Variants in MCTP1 observed in about 807,000 individuals in gnomAD.
MCTP1 encodes the protein multiple C2 and transmembrane domain containing 1.
MCTP1 carries 69 observed loss-of-function variants against 120.6 expected under a neutral mutation model. The observed-to-expected ratio is 0.57, with a 90% CI of 0.47 to 0.70. The LOEUF (loss-of-function observed/expected upper bound fraction) is 0.70, where lower values mean the gene tolerates loss of function less well. Among genes scored for constraint, MCTP1 ranks in the 30% least tolerant of loss-of-function variants. The pLI, the probability that MCTP1 is intolerant of heterozygous loss-of-function variation, is 0.00. For synonymous variants in MCTP1, 529 were observed against 493.1 expected (o/e 1.07, Z -0.96); for missense variants, 1,203 against 1,248.8 (o/e 0.96, Z 0.55).
intron 1 of MCTP1, among the ~76,000 whole-genome samples, chr5:95,192,027 T>A (rs965144771): frequency 1.5e-4 from 23 of 152,048 alleles, no homozygotes; most frequent in Non-Finnish European, 3.2e-4. Flanking sequence ...CCAATATTTT[T>A]AAAATTAGAT....
chr5:94,879,076 G>A (rs1480258887), intron 12 of MCTP1, among the ~76,000 whole-genome samples: 1 of 152,010 alleles, frequency 6.6e-6, no homozygotes, highest in Non-Finnish European at 1.5e-5. Context: ...CTGTGCTTGA[G>A]GCCTCTGATA....
At chr5:95,192,149 AG>A (rs1202320375) in intron 1 of MCTP1, among the ~76,000 whole-genome samples, 14 of 152,220 alleles carry the variant, frequency 9.2e-5, no homozygotes, top group African/African-American at 3.4e-4. Flanking sequence ...GATAAAAAAA[AG>A]TTTTTCACAT....
chr5:94,706,204 G>A lies in MCTP1; in HGVS notation c.*1292C>T, dbSNP rs571718654. ...TTGTCTGCTGCAATTTCAACTGAGT[G>A]TAGTCCCCTACCAAGTCAGGGAAGT... On this transcript the variant is annotated 3_prime_UTR_variant, in exon 23 of 23. Transcript: ENST00000515393. 5.3e-5 allele frequency: 8 copies of A among 151,690 alleles called. No homozygotes were observed. The East Asian group carries it at 1.6e-3, about 29-fold the overall frequency. The allele number at this position is 151,690 out of a possible 1,614,324, so 9.4% of individuals were successfully genotyped here.
At chr5:94,890,209 T>G (rs1218792595) in intron 11 of MCTP1, among the ~76,000 whole-genome samples, 2 of 152,168 alleles carry the variant, frequency 1.3e-5, no homozygotes, top group Non-Finnish European at 2.9e-5. Flanking sequence ...TCCTGTTATG[T>G]TACCCAGGAT....
chr5:95,165,710 C>T (rs1198069739), intron 1 of MCTP1, among the ~76,000 whole-genome samples: 1 of 152,216 alleles, frequency 6.6e-6, no homozygotes, highest in Non-Finnish European at 1.5e-5. Flanking sequence ...CCATGATACA[C>T]ATTATCTTAA....
intron 19 of MCTP1, among the ~76,000 whole-genome samples, chr5:94,719,110 T>C (rs906132408): frequency 1.6e-4 from 24 of 152,210 alleles, no homozygotes; most frequent in Admixed American, 1.6e-3. Flanking sequence ...CACAATGAGA[T>C]ACTATTTCAT....
chr5:95,093,127 A>T (rs569357844), intron 1 of MCTP1, among the ~76,000 whole-genome samples: 7 of 152,386 alleles, frequency 4.6e-5, no homozygotes, highest in African/African-American at 1.7e-4. Context: ...TTGGACACGT[A>T]GCATTCTATG....
At chr5:94,913,704 T>TC (rs1809378522) in intron 8 of MCTP1, among the ~76,000 whole-genome samples, 2 of 152,040 alleles carry the variant, frequency 1.3e-5, no homozygotes, top group Admixed American at 1.3e-4. Flanking sequence ...CTTTTATTAT[T>TC]CTTTTTTTTT....
intron 1 of MCTP1, among the ~76,000 whole-genome samples, chr5:95,054,225 G>T (rs1446745435): frequency 1.3e-5 from 2 of 152,136 alleles, no homozygotes; most frequent in African/African-American, 4.8e-5. Flanking sequence ...AAGATTACCC[G>T]GTTACTGTAG....
intron 1 of MCTP1, among the ~76,000 whole-genome samples, chr5:95,220,772 T>C (rs1408323938): frequency 6.6e-6 from 1 of 152,256 alleles, no homozygotes; most frequent in African/African-American, 2.4e-5. Context: ...AACTGTGAAA[T>C]TCTTTACCTC....
chr5:94,803,268 A>T (rs1347459901), intron 17 of MCTP1, among the ~76,000 whole-genome samples: 2 of 152,168 alleles, frequency 1.3e-5, no homozygotes, highest in Non-Finnish European at 2.9e-5. Flanking sequence ...AGTACACACA[A>T]CCCCTTTCAT....
At chr5:95,149,596 A>G (rs930791552) in intron 1 of MCTP1, among the ~76,000 whole-genome samples, 1 of 152,076 alleles carries the variant, frequency 6.6e-6, no homozygotes, top group African/African-American at 2.4e-5. Flanking sequence ...AGTTCAAACA[A>G]GGGCAGGGTC....
intron 1 of MCTP1, among the ~76,000 whole-genome samples, chr5:95,193,632 C>G (rs553574558): frequency 6.6e-6 from 1 of 152,124 alleles, no homozygotes; most frequent in East Asian, 1.9e-4. Flanking sequence ...GGATAAACTA[C>G]GAACCATTAA....
chr5:95,033,660 C>T (rs773193490), intron 1 of MCTP1, among the ~76,000 whole-genome samples: 14 of 151,954 alleles, frequency 9.2e-5, no homozygotes, highest in Admixed American at 4.6e-4. Flanking sequence ...CCCCTACAAA[C>T]TGGAACAAGA....
chr5:95,216,556 T>C (rs1263640344), intron 1 of MCTP1, among the ~76,000 whole-genome samples: 1 of 152,210 alleles, frequency 6.6e-6, no homozygotes, highest in East Asian at 1.9e-4. Context: ...TCTACACAAA[T>C]TGTATGAGTT....
intron 1 of MCTP1, among the ~76,000 whole-genome samples, chr5:95,060,915 A>G (rs1748793950): frequency 1.4e-5 from 2 of 145,474 alleles, no homozygotes; most frequent in Admixed American, 1.4e-4. Flanking sequence ...CAGAGGTTGT[A>G]GTGGGCAGAG....
chr5:94,884,346 A>G (rs886895176), intron 12 of MCTP1, among the ~76,000 whole-genome samples: 1 of 152,162 alleles, frequency 6.6e-6, no homozygotes, highest in South Asian at 2.1e-4. Context: ...CAGAGCTGTG[A>G]GCTCTTTATT....
intron 2 of MCTP1, among the ~76,000 whole-genome samples, chr5:94,991,708 T>C (rs1388089615): frequency 2.7e-5 from 2 of 75,180 alleles, no homozygotes; most frequent in Non-Finnish European, 5.4e-5. Context: ...ACCTCGTCTC[T>C]ACTAAAAATA....
chr5:94,748,375 G>C (rs886169470), intron 19 of MCTP1, among the ~76,000 whole-genome samples: 3 of 152,182 alleles, frequency 2.0e-5, no homozygotes, highest in Non-Finnish European at 4.4e-5. Context: ...GTCCGTTAAG[G>C]CTTCTCAGAG....
Sources: gnomAD v4.1 joint callset for allele counts (sites outside exome capture counted in the v4.1 genomes callset) on GRCh38, gnomAD v4.1.1 for gene constraint, MANE v1.5 for transcripts, NCBI Gene and HGNC (gene_info 2026-07-23, HGNC 2026-07-21) for gene names.